Variants in PDLIM7 observed in about 807,000 individuals in gnomAD.
PDLIM7 encodes the protein PDZ and LIM domain 7.
PDLIM7 carries 37 observed loss-of-function variants against 53.9 expected under a neutral mutation model. The ratio of observed to expected loss-of-function variants is 0.69; its 90% CI spans 0.53 to 0.90. The LOEUF (loss-of-function observed/expected upper bound fraction) is 0.90, where lower values mean the gene tolerates loss of function less well. Among genes scored for constraint, PDLIM7 ranks in the 40% least tolerant of loss-of-function variants. PDLIM7 has a pLI of 0.00. For missense variants in PDLIM7, 617 were observed against 638.5 expected (o/e 0.97, Z 0.36); for synonymous variants, 300 against 261.3 (o/e 1.15, Z -1.43).
intron 10 of PDLIM7, among the ~76,000 whole-genome samples, chr5:177,486,883 G>A (rs1249007233): frequency 9.0e-5 from 13 of 144,856 alleles, no homozygotes; most frequent in East Asian, 2.1e-4. Context: ...CGCCCATCTC[G>A]GCCTCCCAAA....
At chr5:177,491,413 G>A (rs1445366387) in intron 5 of PDLIM7, 2 of 1,551,438 alleles carry the variant, frequency 1.3e-6, no homozygotes, top group African/African-American at 1.4e-5. Context: ...CTTGTCAGGG[G>A]TCTGCACCTG....
At chr5:177,490,272 C>T (rs534989642) in intron 7 of PDLIM7, 2 of 1,445,128 alleles carry the variant, frequency 1.4e-6, no homozygotes, top group South Asian at 1.5e-5. Context: ...TATTCCATGC[C>T]CAAGGCAGCA....
At chr5:177,492,909 C>T (rs897068649) in intron 2 of PDLIM7, 3 of 555,558 alleles carry the variant, frequency 5.4e-6, no homozygotes, top group Admixed American at 3.2e-5. Flanking sequence ...CTGCCAGACC[C>T]TCTCCCTCAG....
intron 10 of PDLIM7, chr5:177,484,842 G>A (rs1758358699): frequency 6.5e-6 from 1 of 154,578 alleles, no homozygotes; most frequent in Non-Finnish European, 1.4e-5. Context: ...TTCTCACCTT[G>A]CCTCTGCACA....
chr5:177,487,784 C>A (rs893406120), intron 10 of PDLIM7: 10 of 311,676 alleles, frequency 3.2e-5, no homozygotes. Context: ...TGTCATTTCA[C>A]CAGGGCAGGG....
At chr5:177,489,931 G>C (rs766805881) in intron 7 of PDLIM7, 99 bp from the exon 8 acceptor site, 13 of 1,538,596 alleles carry the variant, frequency 8.4e-6, no homozygotes, top group Non-Finnish European at 1.1e-5. Flanking sequence ...GATGACTGGG[G>C]GCGTGGAAAC....
intron 2 of PDLIM7, chr5:177,493,020 C>T (rs1369551072): frequency 1.7e-5 from 5 of 297,930 alleles, no homozygotes; most frequent in South Asian, 4.8e-5. Context: ...CAAACAGCCA[C>T]GCTCAGGCTA....
chr5:177,492,144 G>A (rs964185513), intron 4 of PDLIM7: 5 of 596,688 alleles, frequency 8.4e-6, no homozygotes, highest in Admixed American at 3.1e-5. Context: ...AGGGCTGACC[G>A]AGTGCGGGCG....
intron 2 of PDLIM7, among the ~76,000 whole-genome samples, chr5:177,494,398 G>A (rs1391021153): frequency 6.6e-6 from 1 of 152,232 alleles, no homozygotes; most frequent in Non-Finnish European, 1.5e-5. Context: ...TGTGTATGGG[G>A]AAGTGACACC....
chr5:177,490,895 C>A lies in PDLIM7; in HGVS notation c.547G>T (p.Asp183Tyr). 1 of 1,614,012 alleles carries A rather than the reference C, an allele frequency of 6.2e-7. No homozygotes were observed. Among genetic ancestry groups the A allele is most frequent in the South Asian group, 1.1e-5 (1 of 91,076 alleles). ...CTTGATTTCTTCAGGTGCTCCTCATCCGGGTCTTGCACTGAGAGGGCAGAG... is the reference window on the plus strand; with the variant it reads ...CTTGATTTCTTCAGGTGCTCCTCATACGGGTCTTGCACTGAGAGGGCAGAG... Reference protein sequence around the residue: ...LTGTEFMQDPDEEHLKKSSQV... With the variant: ...LTGTEFMQDPYEEHLKKSSQV... Residue 183 changes from aspartate to tyrosine, a missense_variant, in exon 7 of 13, where the codon GAT (aspartate) becomes TAT (tyrosine). Transcript: ENST00000355841.
chr5:177,488,376 T>A, intron 9 of PDLIM7, 128 bp from the exon 10 acceptor site: 2 of 721,302 alleles, frequency 2.8e-6, no homozygotes, highest in Non-Finnish European at 4.4e-6. Context: ...ATTTTCCACA[T>A]AGGATAGAAG....
Position 177,491,071 on chromosome 5 carries a change from C to A in PDLIM7, c.474G>T (p.Arg158=), listed in dbSNP as rs771211628. 1 of 1,610,854 alleles carries A rather than the reference C, an allele frequency of 6.2e-7. No homozygotes were observed. The highest frequency in any genetic ancestry group is 1.3e-5 in the African/African-American group (1 of 74,898). Residue 158 remains arginine (R), a synonymous_variant, in exon 6 of 13, where the codon CGG becomes CGT. Transcript: ENST00000355841. ...LMENTEDWRP[R]PGTGQSRSFR... ...AGGAACGCGACTGGCCTGTCCCCGG[C>A]CGCGGCCGCCAGTCCTCTGTGTTCT...
chr5:177,490,267 C>T (rs1276626466), intron 7 of PDLIM7: 2 of 1,445,490 alleles, frequency 1.4e-6, no homozygotes, highest in East Asian at 5.0e-5. Context: ...ATGTTTATTC[C>T]ATGCCCAAGG....
rs757992990 is a variant in PDLIM7 at position 177,489,558 on chromosome 5, G to A, written c.704C>T (p.Ala235Val). The A allele has an allele frequency of 3.7e-6, 6 of 1,610,798 alleles. No individual in the cohort carries two copies. The East Asian group carries it at 1.3e-4, about 36-fold the overall frequency. Residue 235 changes from alanine to valine, a missense_variant, in exon 9 of 13, where the codon GCC becomes GTC. By Grantham distance (64) the Ala-to-Val change is moderately conservative (BLOSUM62 0). Coordinates refer to ENST00000355841, the MANE Select transcript of PDLIM7 (RefSeq NM_005451.5). ...CAGCACTGTGCTCGTTTTGTCCGGG[G>A]CATAGCGCTCGGCAAACGCAGGGTC... ...AVDPAFAERY[A>V]PDKTSTVLTR...
rs1462304428 is a variant in PDLIM7 at position 177,491,794 on chromosome 5, G to A, written c.398+13C>T. 3 of 1,213,002 alleles carry A rather than the reference G, an allele frequency of 2.5e-6. No homozygotes were observed. Among genetic ancestry groups the A allele is most frequent in the Non-Finnish European group, 3.2e-6 (3 of 948,860 alleles). 75.1% of individuals were successfully genotyped at this position (1,213,002 alleles called of 1,614,324 possible). Reference sequence around the variant, plus strand: ...CTGATGGCGTGGGCGCGGGCGGGCAGGGGCCGACGTACCCATTCTGCTGCG... The same window carrying A: ...CTGATGGCGTGGGCGCGGGCGGGCAAGGGCCGACGTACCCATTCTGCTGCG... On this transcript the variant is annotated intron_variant, in intron 5 of 12. Coordinates refer to ENST00000355841, the MANE Select transcript of PDLIM7 (RefSeq NM_005451.5).
At chr5:177,495,657 T>A (rs996360277) in intron 2 of PDLIM7, among the ~76,000 whole-genome samples, 3 of 152,186 alleles carry the variant, frequency 2.0e-5, no homozygotes, top group Non-Finnish European at 4.4e-5. Flanking sequence ...CCGCAGCCAC[T>A]GTTGGCCATC....
At position 177,483,418 on chromosome 5, in the gene PDLIM7, G is replaced by T; in HGVS notation, c.*226C>A. 1 of 522,362 alleles carries T rather than the reference G, an allele frequency of 1.9e-6. No homozygotes were observed. Among genetic ancestry groups the T allele is most frequent in the Non-Finnish European group, 3.4e-6 (1 of 293,614 alleles). The allele number at this position is 522,362 out of a possible 1,614,324, so 32.4% of individuals were successfully genotyped here. A position where few individuals can be genotyped will look rare whatever the true frequency, so the allele number is the denominator to read the frequency against. On this transcript the variant is annotated 3_prime_UTR_variant, in exon 13 of 13. Transcript: ENST00000355841. ...ACACAGCTGGGTACAGGTTTATTGTGGCACTGGAGGTGAAAGGGGGCTGGT... is the reference window on the plus strand; with the variant it reads ...ACACAGCTGGGTACAGGTTTATTGTTGCACTGGAGGTGAAAGGGGGCTGGT...
intron 9 of PDLIM7, among the ~76,000 whole-genome samples, chr5:177,488,737 A>C (rs1758585507): frequency 6.6e-6 from 1 of 152,176 alleles, no homozygotes. Context: ...CTAAAAATAC[A>C]AAATTAGCCA....
chr5:177,491,731 G>T, intron 5 of PDLIM7, 76 bp downstream of exon 5: 1 of 771,906 alleles, frequency 1.3e-6, no homozygotes. Context: ...AGCACAGACT[G>T]AGCAGCAGCG....
Sources: allele counts gnomAD v4.1 joint callset (sites outside exome capture counted in the v4.1 genomes callset), GRCh38; gene constraint gnomAD v4.1.1; transcripts MANE v1.5; gene names NCBI Gene and HGNC (gene_info 2026-07-23, HGNC 2026-07-21).